SNTG2: variants seen among roughly 807,000 people sequenced by gnomAD.
The protein encoded by SNTG2 is syntrophin gamma 2, also known as gamma-2-syntrophin.
In SNTG2, 74 loss-of-function variants were observed where a neutral mutation model predicts 70.9. The observed-to-expected ratio is 1.04, with a 90% CI of 0.86 to 1.27. The LOEUF is 1.27. Ranked by LOEUF, SNTG2 falls within the 50% of genes most tolerant of loss-of-function variation. SNTG2 has a pLI of 0.00. For missense variants in SNTG2, 717 were observed against 690.7 expected (o/e 1.04, Z -0.43); for synonymous variants, 278 against 273.8 (o/e 1.02, Z -0.15).
intron 1 of SNTG2, among the ~76,000 whole-genome samples, chr2:1,027,112 C>T (rs1325379404): frequency 1.3e-5 from 2 of 152,188 alleles, no homozygotes; most frequent in African/African-American, 4.8e-5. Context: ...GCTTCTTGCA[C>T]ACCCTAAAAA....
intron 15 of SNTG2, among the ~76,000 whole-genome samples, chr2:1,313,557 A>G (rs951663953): frequency 6.6e-6 from 1 of 152,270 alleles, no homozygotes; most frequent in Admixed American, 6.5e-5. Flanking sequence ...TAAAGTGTGC[A>G]GAAATGCCAT....
intron 8 of SNTG2, among the ~76,000 whole-genome samples, chr2:1,195,548 C>T (rs28579064): frequency 0.24 from 35,790 of 152,040 alleles, 4,925 homozygotes; most frequent in East Asian, 0.44. Context: ...TTCATATCTG[C>T]CACCCACTTT....
intron 12 of SNTG2, among the ~76,000 whole-genome samples, chr2:1,252,655 C>T (rs1677834875): frequency 6.6e-6 from 1 of 152,134 alleles, no homozygotes; most frequent in Non-Finnish European, 1.5e-5. Context: ...GTACTGAGGC[C>T]TATTAATGCT....
Position 1,165,671 on chromosome 2 carries a change from GA to G in SNTG2, c.499+39del, listed in dbSNP as rs754594623. On this transcript the variant is annotated intron_variant, in intron 7 of 16. Transcript: ENST00000308624. Reference sequence around the variant, plus strand: ...AGAGGAGAAATGCCAGGGTGCTGGAGAAATTCCTTTCTTGCCACATTATTTA... The same window carrying G: ...AGAGGAGAAATGCCAGGGTGCTGGAGAATTCCTTTCTTGCCACATTATTTA... 1.2e-5 allele frequency: 19 copies of G among 1,542,550 alleles called. No homozygotes were observed. The South Asian group carries it at 2.2e-4, about 18-fold the overall frequency.
intron 1 of SNTG2, among the ~76,000 whole-genome samples, chr2:980,695 TACACAC>T (rs10648703): frequency 5.3e-5 from 8 of 150,114 alleles, no homozygotes; most frequent in South Asian, 2.1e-4. Context: ...TAGACACATG[TACACAC>T]ACACACACAC....
In SNTG2 at chr2:1,316,262, C is replaced by T. The variant is rs531814158; in HGVS notation, c.1378-3C>T. ...ATCGCTAATTAATTTTATTCCTTTA[C>T]AGAATGTGCTCTGGAGATTTAAATT... On this transcript the variant is annotated splice_region_variant and splice_polypyrimidine_tract_variant and intron_variant, in intron 15 of 16. Transcript: ENST00000308624. 1 of 1,460,328 alleles carries T rather than the reference C, an allele frequency of 6.8e-7. No homozygotes were observed. Among genetic ancestry groups the T allele is most frequent in the East Asian group, 2.5e-5 (1 of 40,354 alleles). 90.5% of individuals were successfully genotyped at this position (1,460,328 alleles called of 1,614,324 possible).
intron 1 of SNTG2, among the ~76,000 whole-genome samples, chr2:1,007,144 A>T (rs1005279462): frequency 6.6e-6 from 1 of 152,194 alleles, no homozygotes; most frequent in Non-Finnish European, 1.5e-5. Context: ...GGACTTGAGT[A>T]TGTGTGGGTT....
At chr2:1,005,062 C>G (rs980007477) in intron 1 of SNTG2, among the ~76,000 whole-genome samples, 2 of 152,084 alleles carry the variant, frequency 1.3e-5, no homozygotes, top group African/African-American at 4.8e-5. Flanking sequence ...ATGCAAATTA[C>G]TAAGAAAGAA....
intron 1 of SNTG2, among the ~76,000 whole-genome samples, chr2:958,317 CTG>C (rs756021485): frequency 2.6e-5 from 4 of 152,210 alleles, no homozygotes; most frequent in Non-Finnish European, 4.4e-5. Flanking sequence ...GAATATACAA[CTG>C]TTTTCTTATA....
intron 12 of SNTG2, among the ~76,000 whole-genome samples, chr2:1,252,104 G>A (rs1316846227): frequency 1.3e-5 from 2 of 152,236 alleles, no homozygotes; most frequent in African/African-American, 2.4e-5. Flanking sequence ...TCCCGATGCT[G>A]TGAGGCTGCA....
intron 4 of SNTG2, among the ~76,000 whole-genome samples, chr2:1,126,674 G>A (rs566646351): frequency 1.2e-4 from 18 of 152,166 alleles, no homozygotes; most frequent in Middle Eastern, 3.4e-3. Context: ...CATTCTAACC[G>A]GGATAAGATA....
chr2:1,347,766 C>T (rs571689363), intron 16 of SNTG2, among the ~76,000 whole-genome samples: 1 of 152,322 alleles, frequency 6.6e-6, no homozygotes, highest in Non-Finnish European at 1.5e-5. Context: ...CCCAGGGAGA[C>T]ATGAATTTGG....
intron 1 of SNTG2, among the ~76,000 whole-genome samples, chr2:966,761 A>G (rs977177055): frequency 3.9e-5 from 6 of 152,180 alleles, no homozygotes; most frequent in Non-Finnish European, 8.8e-5. Flanking sequence ...CCTGACCAAC[A>G]TGGTGAAACC....
rs983339346 is a variant in SNTG2, at chr2:1,208,242, C to T, written c.592-861C>T. Among the ~76,000 whole-genome samples the T allele has an allele frequency of 1.2e-4, 17 of 139,702 alleles. No individual in the cohort carries two copies. In the Admixed American group the frequency reaches 1.3e-3, roughly 10 times the overall value. The allele number at this position is 139,702 out of a possible 152,430, so 91.6% of individuals were successfully genotyped here. ...GCGGGTTACACCTGTGAGTGTGGGG[C>T]ACACCTGTGAGTGTGAGGCACGCCC... On this transcript the variant is annotated intron_variant, in intron 8 of 16. Coordinates refer to ENST00000308624, the MANE Select transcript of SNTG2 (RefSeq NM_018968.4).
At chr2:1,173,468 C>T (rs1395135404) in intron 8 of SNTG2, among the ~76,000 whole-genome samples, 11 of 152,320 alleles carry the variant, frequency 7.2e-5, no homozygotes, top group African/African-American at 1.9e-4. Context: ...TACATATCAC[C>T]GTGACTGTAG....
intron 8 of SNTG2, among the ~76,000 whole-genome samples, chr2:1,199,694 C>T (rs1288456550): frequency 6.6e-6 from 1 of 151,936 alleles, no homozygotes; most frequent in East Asian, 1.9e-4. Context: ...AGAATCAATA[C>T]ACAAAAACCA....
At position 1,170,099 on chromosome 2, in the gene SNTG2, G is replaced by A. The variant is rs561304137; in HGVS notation, c.500-2993G>A. ...AGTGAGTGGGGAAAGAGAGTATCAC[G>A]GCAGATCTGTGCGGAAAATGTCCAG... On this transcript the variant is annotated intron_variant, in intron 7 of 16. Transcript: ENST00000308624. Among the ~76,000 whole-genome samples the A allele has an allele frequency of 6.0e-4, 92 of 152,112 alleles. 1 individual carries two copies. In the Middle Eastern group the frequency reaches 0.024, roughly 39 times the overall value.
At chr2:1,070,108 G>A (rs751381825) in intron 1 of SNTG2, among the ~76,000 whole-genome samples, 63 of 152,076 alleles carry the variant, frequency 4.1e-4, no homozygotes, top group Non-Finnish European at 8.5e-4. Context: ...CCAGTGAAGT[G>A]ATGTCGGCAA....
At position 1,060,314 on chromosome 2, in the gene SNTG2, T is replaced by C. The variant is rs1039528042; in HGVS notation, c.73-23204T>C. Among the ~76,000 whole-genome samples the C allele has an allele frequency of 3.9e-5, 6 of 152,328 alleles. No individual in the cohort carries two copies. In the East Asian group the frequency reaches 5.8e-4, roughly 15 times the overall value. ...CAGTGTGAACTCAGTTGTTTAATAT[T>C]GATACCTATCTAATGGATATGTAGG... On this transcript the variant is annotated intron_variant, in intron 1 of 16. Coordinates refer to ENST00000308624, the MANE Select transcript of SNTG2 (RefSeq NM_018968.4).
Sources: gnomAD v4.1 joint callset for allele counts (sites outside exome capture counted in the v4.1 genomes callset) on GRCh38, gnomAD v4.1.1 for gene constraint, MANE v1.5 for transcripts, NCBI Gene and HGNC (gene_info 2026-07-23, HGNC 2026-07-21) for gene names.